USP6: variants seen among roughly 807,000 people sequenced by gnomAD.
The protein encoded by USP6 is ubiquitin specific peptidase 6.
In USP6, 128 loss-of-function variants were observed where a neutral mutation model predicts 175.7. The ratio of observed to expected loss-of-function variants is 0.73; its 90% CI spans 0.63 to 0.84. The LOEUF is 0.84. Among genes scored for constraint, USP6 ranks in the 40% least tolerant of loss-of-function variants. The pLI is 0.00. For synonymous variants in USP6, 562 were observed against 630.6 expected (o/e 0.89, Z 1.63); for missense variants, 1,498 against 1,760.3 (o/e 0.85, Z 2.67).
chr17:5,159,425 C>T (rs2073960761), intron 31 of USP6, among the ~76,000 whole-genome samples: 1 of 152,108 alleles, frequency 6.6e-6, no homozygotes, highest in Non-Finnish European at 1.5e-5. Context: ...ATGCTGATGT[C>T]ACCAAGAATA....
chr17:5,135,992 T>TGA, intron 17 of USP6, 64 bp downstream of exon 17: 1 of 1,595,744 alleles, frequency 6.3e-7, no homozygotes, highest in South Asian at 1.1e-5. Flanking sequence ...TGTGGCCAGG[T>TGA]GATCTCGGCT....
Position 5,155,510 on chromosome 17 carries a change from C to A in USP6, c.2732C>A (p.Thr911Asn). The A allele has an allele frequency of 6.2e-7, 1 of 1,614,098 alleles. No individual in the cohort carries two copies. The highest frequency in any genetic ancestry group is 8.5e-7 in the Non-Finnish European group (1 of 1,180,028). Residue 911 changes from threonine to asparagine, a missense_variant, in exon 31 of 38, where the codon ACC becomes AAC. By Grantham distance (65) the Thr-to-Asn change is moderately conservative. Coordinates refer to ENST00000574788, the MANE Select transcript of USP6 (RefSeq NM_001304284.2). ...TTGATTGTTCCATGCACTGTGCATA[C>A]CCGGAAGAAAGACCTATATGATGCG... ...MPLIVPCTVH[T>N]RKKDLYDAVW...
intron 31 of USP6, among the ~76,000 whole-genome samples, chr17:5,156,984 C>G (rs555522385): frequency 6.6e-5 from 10 of 151,694 alleles, no homozygotes; most frequent in African/African-American, 2.2e-4. Context: ...TCTACCTCAG[C>G]CTCCCAAAGT....
In USP6 at chr17:5,139,819, C is replaced by T. The variant is rs1354371142; in HGVS notation, c.1498+145C>T. The T allele has an allele frequency of 5.0e-6, 8 of 1,594,654 alleles. No homozygotes were observed. In the Admixed American group the frequency reaches 1.2e-4, roughly 23 times the overall value. On this transcript the variant is annotated intron_variant, in intron 22 of 37. Transcript: ENST00000574788. ...GCGCTCCCACTTCAGGGCCTTGCCT[C>T]TGCCACCTCTACTTGGAAAGTTCTC...
rs141211154 is a variant in USP6 at position 5,134,179 on chromosome 17, G to C, written c.494+183G>C. 2.0e-3 allele frequency: 1,283 copies of C among 638,348 alleles called. 9 individuals carry two copies. The highest frequency in any genetic ancestry group is 0.014 in the African/African-American group (776 of 54,562). 39.5% of individuals were successfully genotyped at this position (638,348 alleles called of 1,614,324 possible). On this transcript the variant is annotated intron_variant, in intron 15 of 37. Transcript: ENST00000574788. ...TCCCTGGTTCCAAGCCCTGGGCCAGGCTGGAACATGTGGGGCCAGAACCCA... is the reference window on the plus strand; with the variant it reads ...TCCCTGGTTCCAAGCCCTGGGCCAGCCTGGAACATGTGGGGCCAGAACCCA...
intron 15 of USP6, 193 bp downstream of exon 15, chr17:5,134,189 G>A: frequency 1.6e-6 from 1 of 615,036 alleles, no homozygotes; most frequent in Non-Finnish European, 2.9e-6. Context: ...GCTGGAACAT[G>A]TGGGGCCAGA....
intron 29 of USP6, among the ~76,000 whole-genome samples, chr17:5,148,210 A>G (rs997967675): frequency 2.3e-4 from 35 of 152,136 alleles, no homozygotes; most frequent in Non-Finnish European, 4.1e-4. Context: ...ATCTGGGTAG[A>G]GGTTACTGTA....
At chr17:5,169,984 G>A (rs1421173417) in intron 35 of USP6, among the ~76,000 whole-genome samples, 5 of 152,300 alleles carry the variant, frequency 3.3e-5, no homozygotes, top group Non-Finnish European at 7.3e-5. Context: ...AGGTATAAAA[G>A]GGGGTAGGGG....
chr17:5,151,847 T>A (rs1239999560), intron 30 of USP6, among the ~76,000 whole-genome samples: 1 of 152,116 alleles, frequency 6.6e-6, no homozygotes, highest in African/African-American at 2.4e-5. Context: ...GAGCTAAATT[T>A]GAAAGCAAAA....
rs533263920 is a variant in USP6, at chr17:5,143,160, G to A, written c.1818+658G>A. ...GGGTCAGCCCCCTGCCCGGCCAGCC[G>A]CCCCGTCCGGGAGGTGAGGGGCGCC... On this transcript the variant is annotated intron_variant, in intron 25 of 37. Transcript: ENST00000574788. 4.0e-3 allele frequency among the ~76,000 whole-genome samples: 615 copies of A among 152,142 alleles called. 3 individuals are homozygous for A. Among genetic ancestry groups the A allele is most frequent in the African/African-American group, 0.013 (557 of 41,534 alleles).
At position 5,132,858 on chromosome 17, in the gene USP6, G is replaced by A. The variant is rs886878002; in HGVS notation, c.196-52G>A. The A allele has an allele frequency of 1.2e-6, 2 of 1,602,906 alleles. No homozygotes were observed. Among genetic ancestry groups the A allele is most frequent in the East Asian group, 2.2e-5 (1 of 44,822 alleles). On this transcript the variant is annotated intron_variant, in intron 12 of 37. Coordinates refer to ENST00000574788, the MANE Select transcript of USP6 (RefSeq NM_001304284.2). This position sits in a 1 kb window ranked among gnomAD's most constrained non-coding sequence, Gnocchi z 4.7. ...AGCCCAAGACTCAGCATCCATGGGC[G>A]GCTCTGGGAAGCCTGGCAGCTCCAC... is the stretch of plus-strand genomic sequence containing the variant.
intron 25 of USP6, among the ~76,000 whole-genome samples, chr17:5,143,581 C>A (rs983071518): frequency 5.2e-4 from 79 of 151,732 alleles, no homozygotes; most frequent in Admixed American, 4.9e-3. Context: ...GTCATCACCA[C>A]TCCCTAATCT....
At chr17:5,134,722 G>A (rs1598006267) in intron 15 of USP6, 1 of 190,470 alleles carries the variant, frequency 5.3e-6, no homozygotes. Context: ...TTTTGCTAAG[G>A]GAAAGAAGCC....
At chr17:5,139,016 C>T (rs2073353925) in intron 21 of USP6, 2 of 1,553,196 alleles carry the variant, frequency 1.3e-6, no homozygotes, top group Admixed American at 3.7e-5. Context: ...AGCCCCCAGC[C>T]AGTCTGAACC....
intron 19 of USP6, 29 bp downstream of exon 19, chr17:5,137,215 A>G: frequency 6.2e-7 from 1 of 1,610,164 alleles, no homozygotes; most frequent in Non-Finnish European, 8.5e-7. Context: ...ACCCTGGCTC[A>G]GGGACCCTCC....
At chr17:5,121,244 G>A (rs2072655154) in intron 3 of USP6, 131 bp from the exon 4 acceptor site, 3 of 377,426 alleles carry the variant, frequency 7.9e-6, no homozygotes, top group Admixed American at 3.1e-5. Flanking sequence ...GGGTGCAGAG[G>A]GTCTTTGTGT....
intron 20 of USP6, 150 bp downstream of exon 20, chr17:5,137,900 C>G: frequency 1.9e-6 from 3 of 1,539,998 alleles, no homozygotes; most frequent in Non-Finnish European, 2.6e-6. Context: ...CACTGTGACA[C>G]CGAGCCCATC....
In USP6 at chr17:5,142,473, CAGAAGA is replaced by C; in HGVS notation, c.1790_1795del (p.Gln597_Ser599delinsArg). The C allele has an allele frequency of 1.9e-6, 3 of 1,612,728 alleles. No homozygotes were observed. Among genetic ancestry groups the C allele is most frequent in the Non-Finnish European group, 1.7e-6 (2 of 1,179,780 alleles). On this transcript the variant is annotated inframe_deletion, in exon 25 of 38. Transcript: ENST00000574788. ...AGTGCAGGAACTCTGGAGTGGAACTCAGAAGAGTGTTGCCCCATTAAAGCTTCGGGT... is the reference window on the plus strand; with the variant it reads ...AGTGCAGGAACTCTGGAGTGGAACTCGTGTTGCCCCATTAAAGCTTCGGGT...
rs1451921478 is a variant in USP6 at position 5,155,535 on chromosome 17, G to A, written c.2757G>A (p.Ala919=). ...CCCGGAAGAAAGACCTATATGATGC[G>A]GTTTGGATTCAAGTATCCTGGTTAG... ...VHTRKKDLYD[A]VWIQVSWLAR... is the part of the protein sequence containing the mutation. Residue 919 remains alanine (A), a synonymous_variant, in exon 31 of 38, where the codon GCG becomes GCA. Transcript: ENST00000574788. 6.2e-6 allele frequency: 10 copies of A among 1,613,864 alleles called. No homozygotes were observed. Among genetic ancestry groups the A allele is most frequent in the Admixed American group, 1.7e-5 (1 of 59,972 alleles).
Sources: allele counts gnomAD v4.1 joint callset (sites outside exome capture counted in the v4.1 genomes callset), GRCh38; gene constraint gnomAD v4.1.1; non-coding constraint Gnocchi (gnomAD v3.1); transcripts MANE v1.5; gene names NCBI Gene and HGNC (gene_info 2026-07-23, HGNC 2026-07-21).